CALD1: variants seen among roughly 807,000 people sequenced by gnomAD.
The protein encoded by CALD1 is caldesmon.
A neutral mutation model predicts 99.9 loss-of-function variants in CALD1; 33 were observed. The ratio of observed to expected loss-of-function variants is 0.33; its 90% CI spans 0.25 to 0.44. CALD1 has a LOEUF of 0.44. Among genes scored for constraint, CALD1 ranks in the 20% least tolerant of loss-of-function variants. The pLI is 1.00. For synonymous variants in CALD1, 310 were observed against 325.0 expected, an observed-to-expected ratio of 0.95 and a Z score of 0.50; for missense variants, 861 against 962.1, an observed-to-expected ratio of 0.89 and a Z score of 1.39.
At chr7:134,910,064 T>C (rs1042833108) in intron 3 of CALD1, among the ~76,000 whole-genome samples, 1 of 152,166 alleles carries the variant, frequency 6.6e-6, no homozygotes, top group African/African-American at 2.4e-5. Flanking sequence ...GGATCAAAAA[T>C]ATTGAATATA....
intron 1 of CALD1, among the ~76,000 whole-genome samples, chr7:134,767,047 G>C (rs1002194905): frequency 1.3e-5 from 2 of 152,146 alleles, no homozygotes; most frequent in African/African-American, 4.8e-5. Context: ...AGAGAGGAGG[G>C]ACCAACAGAG....
intron 3 of CALD1, among the ~76,000 whole-genome samples, chr7:134,872,087 G>C (rs894289818): frequency 6.6e-6 from 1 of 152,214 alleles, no homozygotes; most frequent in Non-Finnish European, 1.5e-5. Context: ...CGTTCTTCCA[G>C]CTGGGCGCAG....
intron 8 of CALD1, among the ~76,000 whole-genome samples, chr7:134,948,696 A>G (rs750998928): frequency 1.3e-5 from 2 of 152,166 alleles, no homozygotes. Context: ...AAAGACTTTC[A>G]ATGGCATTTT....
At chr7:134,965,202 CAACA>C (rs1186661105) in intron 13 of CALD1, 100 bp from the exon 14 acceptor site, 1 of 723,512 alleles carries the variant, frequency 1.4e-6, no homozygotes, top group African/African-American at 1.7e-5. Flanking sequence ...GTGTATTAAA[CAACA>C]AACTGATTCA....
intron 14 of CALD1, among the ~76,000 whole-genome samples, chr7:134,968,107 A>G (rs1327643993): frequency 2.6e-5 from 4 of 152,162 alleles, no homozygotes; most frequent in African/African-American, 9.7e-5. Context: ...AGATCACACC[A>G]CTGCACTCCA....
chr7:134,902,024 T>C (rs1803035509), intron 3 of CALD1, among the ~76,000 whole-genome samples: 1 of 152,130 alleles, frequency 6.6e-6, no homozygotes, highest in African/African-American at 2.4e-5. Context: ...TACATACTTC[T>C]AGATTAAATG....
At chr7:134,880,190 T>C (rs572179368) in intron 3 of CALD1, among the ~76,000 whole-genome samples, 3 of 152,266 alleles carry the variant, frequency 2.0e-5, no homozygotes, top group Admixed American at 6.5e-5. Context: ...TTTTGTCCAG[T>C]GGGAATTTTG....
chr7:134,862,550 G>T (rs907093538), intron 2 of CALD1, among the ~76,000 whole-genome samples: 1 of 152,152 alleles, frequency 6.6e-6, no homozygotes, highest in Non-Finnish European at 1.5e-5. Context: ...ATCAGTGATT[G>T]CCAGGGTTTT....
At chr7:134,882,138 A>C (rs554654149) in intron 3 of CALD1, among the ~76,000 whole-genome samples, 5 of 152,316 alleles carry the variant, frequency 3.3e-5, no homozygotes, top group Non-Finnish European at 7.3e-5. Context: ...GAACACTAAC[A>C]CTTGTGTATC....
chr7:134,759,376 G>T (rs968450554), intron 1 of CALD1, among the ~76,000 whole-genome samples: 1 of 152,182 alleles, frequency 6.6e-6, no homozygotes, highest in Non-Finnish European at 1.5e-5. Flanking sequence ...CTGTGTGGGG[G>T]CTAGGAGGGC....
intron 3 of CALD1, among the ~76,000 whole-genome samples, chr7:134,921,084 T>A (rs905357524): frequency 1.2e-4 from 19 of 152,366 alleles, no homozygotes; most frequent in Middle Eastern, 6.8e-3. Context: ...CTGGCAATCT[T>A]GTAATCTCTT....
At chr7:134,898,041 C>T (rs140681014) in intron 3 of CALD1, among the ~76,000 whole-genome samples, 1 of 152,304 alleles carries the variant, frequency 6.6e-6, no homozygotes, top group African/African-American at 2.4e-5. Context: ...TATTCTGCCT[C>T]ATCCTCCCGA....
rs140413545 is a variant in CALD1, at chr7:134,933,540, G to A, written c.771G>A (p.Met257Ile). 336 of 1,613,792 alleles carry A rather than the reference G, an allele frequency of 2.1e-4. 1 individual carries two copies. The African/African-American group carries it at 4.2e-3, about 20-fold the overall frequency. The change falls in exon 5 of 15, where the codon ATG becomes ATA. Residue 257 changes from methionine to isoleucine, a missense_variant. Around this residue, in one of 5 missense-constraint regions of CALD1, gnomAD observed 234 missense variants for 233.1 expected, o/e 1.00. Transcript: ENST00000361675. ...ATGAGATTTCCCATCATGAAAAGAT[G>A]GAAGAGGAAGACAAGGAAAGAGCTG... is the stretch of plus-strand genomic sequence containing the variant. ...GSDEISHHEKMEEEDKERAEA... is the reference protein window; with the variant it reads ...GSDEISHHEKIEEEDKERAEA...
chr7:134,810,964 T>C (rs1195475288), intron 1 of CALD1, among the ~76,000 whole-genome samples: 9 of 152,186 alleles, frequency 5.9e-5, no homozygotes, highest in African/African-American at 1.2e-4. Flanking sequence ...TCTGTACTGA[T>C]TGAAAATTAA....
At chr7:134,896,972 G>A (rs1280121580) in intron 3 of CALD1, among the ~76,000 whole-genome samples, 4 of 152,094 alleles carry the variant, frequency 2.6e-5, no homozygotes, top group Admixed American at 6.5e-5. Context: ...CTGAGAGCCC[G>A]ACTACCATGT....
At position 134,933,608 on chromosome 7, in the gene CALD1, T is replaced by G; in HGVS notation, c.839T>G (p.Ile280Ser). The change falls in exon 5 of 15, where the codon ATT becomes AGT. Residue 280 changes from isoleucine to serine, a missense_variant. By Grantham distance (142) the Ile-to-Ser change is moderately radical. Coordinates refer to ENST00000361675, the MANE Select transcript of CALD1 (RefSeq NM_033138.4). ...ARLEAEERER[I>S]KAEQDKKIAD... ...TTGGAAGCAGAAGAAAGAGAAAGAA[T>G]TAAAGCCGAGCAAGACAAAAAGATA... 1 of 1,612,038 alleles carries G rather than the reference T, an allele frequency of 6.2e-7. No homozygotes were observed.
chr7:134,928,076 G>A (rs1463701420), intron 3 of CALD1: 3 of 324,314 alleles, frequency 9.3e-6, no homozygotes, highest in Non-Finnish European at 1.9e-5. Context: ...CATGCAACAT[G>A]CTGTATCTTT....
chr7:134,773,477 T>A (rs534392734), intron 1 of CALD1, among the ~76,000 whole-genome samples: 54 of 152,226 alleles, frequency 3.5e-4, no homozygotes, highest in African/African-American at 1.2e-3. Flanking sequence ...TTTCGCCCTG[T>A]TGCCCAGGCT....
intron 1 of CALD1, among the ~76,000 whole-genome samples, chr7:134,765,326 AAAAG>A (rs1275520733): frequency 6.6e-6 from 1 of 152,116 alleles, no homozygotes; most frequent in Non-Finnish European, 1.5e-5. Flanking sequence ...AAAAAAAAAA[AAAAG>A]AAAGAAAAGT....
Sources: gnomAD v4.1 joint callset for allele counts (sites outside exome capture counted in the v4.1 genomes callset) on GRCh38, gnomAD v4.1.1 for gene constraint, gnomAD v4.1.1 regional missense constraint, MANE v1.5 for transcripts, NCBI Gene and HGNC (gene_info 2026-07-23, HGNC 2026-07-21) for gene names.